NRG1: variants seen among roughly 807,000 people sequenced by gnomAD.
NRG1 encodes the protein pro-neuregulin-1, membrane-bound isoform.
NRG1 carries 18 observed loss-of-function variants against 63.8 expected under a neutral mutation model. That is an observed-to-expected ratio of 0.28 (90% CI 0.19 to 0.42). The LOEUF is 0.42. Ranked by LOEUF, NRG1 falls within the 10% of genes least tolerant of loss-of-function variation. NRG1 has a pLI of 1.00. For synonymous variants in NRG1, 302 were observed against 301.3 expected (o/e 1.00, Z -0.02); for missense variants, 762 against 814.7 (o/e 0.94, Z 0.79).
chr8:32,340,170 T>G lies in NRG1; in HGVS notation c.38-255658T>G, dbSNP rs111305841. ...TAATGAAATATCTGTGCCATATTATTTTATAGTGTGCAACATTTAAAACAA... is the reference window on the plus strand; with the variant it reads ...TAATGAAATATCTGTGCCATATTATGTTATAGTGTGCAACATTTAAAACAA... On this transcript the variant is annotated intron_variant, in intron 1 of 10. Transcript: ENST00000519301. 1.2e-3 allele frequency among the ~76,000 whole-genome samples: 178 copies of G among 152,336 alleles called. 2 individuals carry two copies. The highest frequency in any genetic ancestry group is 4.1e-3 in the African/African-American group (170 of 41,576).
At chr8:32,714,574 A>G (rs894738222) in intron 5 of NRG1, among the ~76,000 whole-genome samples, 1 of 152,250 alleles carries the variant, frequency 6.6e-6, no homozygotes, top group Non-Finnish European at 1.5e-5. Flanking sequence ...GTAGGAAAAG[A>G]GCTTTGATAA....
chr8:32,697,256 A>G (rs1044983595), intron 5 of NRG1, among the ~76,000 whole-genome samples: 1 of 152,236 alleles, frequency 6.6e-6, no homozygotes, highest in Non-Finnish European at 1.5e-5. Flanking sequence ...AGTCACCTCT[A>G]TGAGCTTTGT....
chr8:31,904,160 A>G (rs1005754367), intron 1 of NRG1, among the ~76,000 whole-genome samples: 5 of 152,144 alleles, frequency 3.3e-5, no homozygotes, highest in African/African-American at 1.2e-4. Context: ...TAAAGGCCAT[A>G]TCAGTGCCCT....
At chr8:32,612,475 A>G (rs1846530368) in intron 3 of NRG1, among the ~76,000 whole-genome samples, 1 of 152,106 alleles carries the variant, frequency 6.6e-6, no homozygotes, top group South Asian at 2.1e-4. Context: ...AACCATAATC[A>G]TTAAAGATAT....
intron 5 of NRG1, among the ~76,000 whole-genome samples, chr8:32,695,781 C>T (rs1252653334): frequency 1.3e-5 from 2 of 152,146 alleles, no homozygotes; most frequent in Non-Finnish European, 2.9e-5. Flanking sequence ...CAGGTGCTTA[C>T]AAATGAGAGT....
chr8:32,744,102 G>C (rs983451301), intron 7 of NRG1, among the ~76,000 whole-genome samples: 2 of 152,074 alleles, frequency 1.3e-5, no homozygotes, highest in African/African-American at 2.4e-5. Flanking sequence ...ATAAGAAACA[G>C]TGATGTAAGT....
Position 32,290,490 on chromosome 8 carries a change from G to T in NRG1, c.38-305338G>T, listed in dbSNP as rs1409228274. Among the ~76,000 whole-genome samples the T allele has an allele frequency of 3.9e-5, 6 of 152,126 alleles. No individual in the cohort carries two copies. The East Asian group carries it at 9.7e-4, about 25-fold the overall frequency. On this transcript the variant is annotated intron_variant, in intron 1 of 10. Transcript: ENST00000519301. ...TTGCAGTTACCATTCCCTTGTAGTT[G>T]CTGGGCTAGCTCTCTCAGCTTTCCG...
intron 5 of NRG1, among the ~76,000 whole-genome samples, chr8:32,672,107 C>T (rs1805825744): frequency 1.3e-5 from 2 of 151,728 alleles, no homozygotes; most frequent in African/African-American, 4.8e-5. Flanking sequence ...TGCAGTGGCA[C>T]AATCTCGGCT....
At chr8:31,825,725 A>G (rs1824485252) in intron 1 of NRG1, among the ~76,000 whole-genome samples, 1 of 152,164 alleles carries the variant, frequency 6.6e-6, no homozygotes, top group South Asian at 2.1e-4. Flanking sequence ...TAGGTCATCT[A>G]CCTTTGAAAT....
chr8:32,760,441 A>G lies in NRG1; in HGVS notation c.1259+35A>G, dbSNP rs934022591. 7 of 1,610,878 alleles carry G rather than the reference A, an allele frequency of 4.3e-6. No homozygotes were observed. In the African/African-American group the frequency reaches 8.0e-5, roughly 18 times the overall value. ...AAGGGCAAAGCTACTGCAGAGGAGA[A>G]ACTCAGTCAGAGAATCCCTGTGAGC... On this transcript the variant is annotated intron_variant, in intron 11 of 11. Coordinates refer to ENST00000356819, the Ensembl canonical transcript of NRG1.
chr8:32,127,179 C>A (rs1280461021), intron 1 of NRG1, among the ~76,000 whole-genome samples: 1 of 151,910 alleles, frequency 6.6e-6, no homozygotes, highest in African/African-American at 2.4e-5. Context: ...GGATGTAGGA[C>A]AAGTGGCTAA....
intron 1 of NRG1, chr8:31,639,505 C>G (rs1803523483): frequency 3.3e-6 from 5 of 1,521,388 alleles, no homozygotes; most frequent in Non-Finnish European, 3.5e-6. Context: ...CGCAACTCCG[C>G]CTCCAGGGCT....
chr8:32,722,110 C>A (rs1319247485), intron 5 of NRG1: 3 of 1,279,774 alleles, frequency 2.3e-6, no homozygotes, highest in South Asian at 1.4e-5. Context: ...TTAAAATGTG[C>A]ATATTTTATT....
chr8:32,290,279 T>G (rs557827870), intron 1 of NRG1, among the ~76,000 whole-genome samples: 1 of 152,096 alleles, frequency 6.6e-6, no homozygotes, highest in South Asian at 2.1e-4. Flanking sequence ...TAATGCAAAA[T>G]TATTTGATAC....
intron 1 of NRG1, among the ~76,000 whole-genome samples, chr8:32,060,496 T>A (rs545502063): frequency 6.6e-6 from 1 of 152,096 alleles, no homozygotes; most frequent in East Asian, 1.9e-4. Flanking sequence ...TAGTTCAATT[T>A]TTTTAGAGAA....
At chr8:32,411,575 G>A (rs1206153144) in intron 1 of NRG1, among the ~76,000 whole-genome samples, 3 of 152,158 alleles carry the variant, frequency 2.0e-5, no homozygotes, top group African/African-American at 7.2e-5. Context: ...AATATTGTGT[G>A]CTCCATAATT....
chr8:32,281,158 G>A (rs1235923473), intron 1 of NRG1, among the ~76,000 whole-genome samples: 1 of 141,820 alleles, frequency 7.1e-6, no homozygotes, highest in East Asian at 2.2e-4. Context: ...GGTGAGCATA[G>A]CATAGTACCC....
chr8:31,721,848 G>A (rs975136196), intron 1 of NRG1, among the ~76,000 whole-genome samples: 7 of 151,914 alleles, frequency 4.6e-5, no homozygotes, highest in African/African-American at 7.3e-5. Context: ...ATTTCTACTC[G>A]CTCACCTTCT....
chr8:32,710,543 TC>T (rs1052967210), intron 5 of NRG1, among the ~76,000 whole-genome samples: 22 of 152,220 alleles, frequency 1.4e-4, no homozygotes, highest in African/African-American at 4.6e-4. Flanking sequence ...TATATGCATT[TC>T]TCTTTGGTCT....
Sources: gnomAD v4.1 joint callset for allele counts (sites outside exome capture counted in the v4.1 genomes callset) on GRCh38, gnomAD v4.1.1 for gene constraint, MANE v1.5 for transcripts, NCBI Gene and HGNC (gene_info 2026-07-23, HGNC 2026-07-21) for gene names.